FSD1L: variants seen among roughly 807,000 people sequenced by gnomAD.
FSD1L encodes the protein FSD1-like protein.
FSD1L carries 45 observed loss-of-function variants against 71.6 expected under a neutral mutation model. That is an observed-to-expected ratio of 0.63 (90% CI 0.49 to 0.81). FSD1L has a LOEUF of 0.81. Ranked by LOEUF, FSD1L falls within the 30% of genes least tolerant of loss-of-function variation. FSD1L has a pLI of 0.00. For synonymous variants in FSD1L, 197 were observed against 207.2 expected, an observed-to-expected ratio of 0.95 and a Z score of 0.42; for missense variants, 561 against 618.1, an observed-to-expected ratio of 0.91 and a Z score of 0.98.
At chr9:105,482,311 TTAA>T (rs1423892468) in intron 6 of FSD1L, among the ~76,000 whole-genome samples, 3 of 152,216 alleles carry the variant, frequency 2.0e-5, no homozygotes, top group Non-Finnish European at 4.4e-5. Flanking sequence ...TTCTGGGGAC[TTAA>T]TAATATTGGA....
chr9:105,452,665 G>GCCTTCCTTCCTT (rs1314711604), intron 1 of FSD1L, among the ~76,000 whole-genome samples: 992 of 85,484 alleles, frequency 0.012, 4 homozygotes, highest in Non-Finnish European at 0.013. Flanking sequence ...CTGCCTGCCT[G>GCCTTCCTTCCTT]CCTGCCTTCC....
chr9:105,518,299 G>T (rs1160149766), intron 10 of FSD1L, among the ~76,000 whole-genome samples: 1 of 152,186 alleles, frequency 6.6e-6, no homozygotes, highest in Non-Finnish European at 1.5e-5. Flanking sequence ...CTCAGCTCTG[G>T]ATCAAGCGGA....
At chr9:105,485,146 G>A (rs1181134932) in intron 7 of FSD1L, among the ~76,000 whole-genome samples, 1 of 152,176 alleles carries the variant, frequency 6.6e-6, no homozygotes, top group Non-Finnish European at 1.5e-5. Flanking sequence ...ACCAATCTTA[G>A]TCTGTTTTGT....
chr9:105,492,398 T>C (rs1833011469), intron 7 of FSD1L, among the ~76,000 whole-genome samples: 1 of 152,194 alleles, frequency 6.6e-6, no homozygotes, highest in Non-Finnish European at 1.5e-5. Context: ...TTTTCTTCTT[T>C]ATTAGTCTTG....
intron 6 of FSD1L, among the ~76,000 whole-genome samples, chr9:105,480,994 ATTTG>A (rs2131688703): frequency 6.6e-6 from 1 of 152,064 alleles, no homozygotes; most frequent in Admixed American, 6.5e-5. Context: ...CTTTGCCCAG[ATTTG>A]TTTATCAGAA....
chr9:105,444,925 T>C (rs1829610764), upstream of FSD1L, among the ~76,000 whole-genome samples: 1 of 152,214 alleles, frequency 6.6e-6, no homozygotes, highest in African/African-American at 2.4e-5. Flanking sequence ...GATCCAGGGA[T>C]AAGGCTGGAC....
chr9:105,480,466 A>AT (rs1402061422), intron 6 of FSD1L, among the ~76,000 whole-genome samples: 5 of 151,896 alleles, frequency 3.3e-5, no homozygotes, highest in Non-Finnish European at 7.4e-5. Context: ...TAATTTTTGT[A>AT]TTTTTTGTAG....
At chr9:105,492,671 A>G (rs1420076281) in intron 7 of FSD1L, among the ~76,000 whole-genome samples, 2 of 152,036 alleles carry the variant, frequency 1.3e-5, no homozygotes, top group Non-Finnish European at 2.9e-5. Flanking sequence ...ACTGCTTTGA[A>G]TGTGTCCCAG....
intron 4 of FSD1L, among the ~76,000 whole-genome samples, chr9:105,468,550 G>A (rs1399043422): frequency 6.6e-6 from 1 of 151,094 alleles, no homozygotes; most frequent in Non-Finnish European, 1.5e-5. Context: ...TGTCACCCAG[G>A]CTGGAGTGAT....
intron 10 of FSD1L, among the ~76,000 whole-genome samples, chr9:105,515,172 C>G (rs1415312405): frequency 6.6e-6 from 1 of 152,106 alleles, no homozygotes; most frequent in Non-Finnish European, 1.5e-5. Context: ...ACCCTGTGCC[C>G]CCACCCTGCC....
chr9:105,443,655 G>A (rs913308275), upstream of FSD1L, among the ~76,000 whole-genome samples: 9 of 152,192 alleles, frequency 5.9e-5, no homozygotes, highest in Non-Finnish European at 1.3e-4. Flanking sequence ...AACAAGACCG[G>A]GCATGGTGGC....
intron 7 of FSD1L, among the ~76,000 whole-genome samples, chr9:105,499,045 C>T (rs1833607384): frequency 6.6e-6 from 1 of 152,214 alleles, no homozygotes; most frequent in Non-Finnish European, 1.5e-5. Context: ...GTGTGTTTTA[C>T]AGCCCAGAAT....
At chr9:105,471,513 C>A (rs943966306) in intron 4 of FSD1L, among the ~76,000 whole-genome samples, 1 of 151,974 alleles carries the variant, frequency 6.6e-6, no homozygotes, top group Non-Finnish European at 1.5e-5. Flanking sequence ...AAAAATACTT[C>A]CTACTTGTCC....
intron 7 of FSD1L, among the ~76,000 whole-genome samples, chr9:105,492,431 C>T (rs905811945): frequency 6.6e-6 from 1 of 151,846 alleles, no homozygotes; most frequent in Non-Finnish European, 1.5e-5. Flanking sequence ...CAATTTTGTT[C>T]ATCCTTTCAA....
rs909130368 is a variant in FSD1L at position 105,498,359 on chromosome 9, T to C, written c.587-8040T>C. On this transcript the variant is annotated intron_variant, in intron 7 of 13. Coordinates refer to ENST00000481272, the MANE Select transcript of FSD1L (RefSeq NM_001145313.3). ...CAATTTTGTCATTGTGCAAACATCA[T>C]AGAGTGTATTTACACAAACCAAGAT... Among the ~76,000 whole-genome samples the C allele has an allele frequency of 2.0e-5, 3 of 152,200 alleles. No individual in the cohort carries two copies. The East Asian group carries it at 5.8e-4, about 29-fold the overall frequency.
intron 10 of FSD1L, among the ~76,000 whole-genome samples, chr9:105,515,084 G>A (rs188530723): frequency 1.2e-3 from 179 of 152,252 alleles, no homozygotes; most frequent in African/African-American, 3.9e-3. Context: ...GGGGAGAAGA[G>A]TGGAATTGCA....
intron 5 of FSD1L, among the ~76,000 whole-genome samples, chr9:105,473,520 T>C (rs988283862): frequency 3.3e-5 from 5 of 152,212 alleles, no homozygotes; most frequent in African/African-American, 9.7e-5. Context: ...ATACTGCTAC[T>C]ATTTTCAGTA....
chr9:105,491,638 T>A (rs1001517833), intron 7 of FSD1L, among the ~76,000 whole-genome samples: 1 of 152,104 alleles, frequency 6.6e-6, no homozygotes, highest in African/African-American at 2.4e-5. Flanking sequence ...TGTGGGTTTG[T>A]CATAGATAGC....
intron 1 of FSD1L, 23 bp downstream of exon 1, chr9:105,448,258 G>C: frequency 6.5e-7 from 1 of 1,531,108 alleles, no homozygotes; most frequent in Non-Finnish European, 8.8e-7. Flanking sequence ...GGGGAGCCCG[G>C]GGCTACCGAG....
Sources: gnomAD v4.1 joint callset for allele counts (sites outside exome capture counted in the v4.1 genomes callset) on GRCh38, gnomAD v4.1.1 for gene constraint, MANE v1.5 for transcripts, NCBI Gene and HGNC (gene_info 2026-07-23, HGNC 2026-07-21) for gene names.